Variants in LINGO1 observed in about 807,000 individuals in gnomAD.
LINGO1 encodes leucine rich repeat and Ig domain containing 1.
In LINGO1, 11 loss-of-function variants were observed where a neutral mutation model predicts 37.3. The ratio of observed to expected loss-of-function variants is 0.29; its 90% confidence interval spans 0.19 to 0.49. The LOEUF (loss-of-function observed/expected upper bound fraction) is 0.49, where lower values mean the gene tolerates loss of function less well. Among genes scored for constraint, LINGO1 ranks in the 20% least tolerant of loss-of-function variants. The pLI, the probability that LINGO1 is intolerant of heterozygous loss-of-function variation, is 0.99. For synonymous variants in LINGO1, 387 were observed against 403.0 expected (o/e 0.96, Z 0.48); for missense variants, 585 against 878.2 (o/e 0.67, Z 4.22).
chr15:77,758,051 C>T (rs1303157231), intron 1 of LINGO1, among the ~76,000 whole-genome samples: 1 of 152,216 alleles, frequency 6.6e-6, no homozygotes, highest in Non-Finnish European at 1.5e-5. Context: ...CAAAGTGAGG[C>T]TAATTTAAAC....
At chr15:77,642,974 G>A (rs1046633447) in intron 3 of LINGO1, among the ~76,000 whole-genome samples, 3 of 152,202 alleles carry the variant, frequency 2.0e-5, no homozygotes, top group African/African-American at 7.2e-5. Flanking sequence ...AGCTTGTGGA[G>A]CCTGGGCTTG....
At chr15:77,670,525 C>G (rs2075229857) in intron 3 of LINGO1, among the ~76,000 whole-genome samples, 1 of 152,178 alleles carries the variant, frequency 6.6e-6, no homozygotes, top group African/African-American at 2.4e-5. Context: ...CCGTGGTCCC[C>G]AGAGCTGGCA....
At position 77,765,713 on chromosome 15, in the gene LINGO1, AAGG is replaced by A. The variant is rs555111104; in HGVS notation, c.-257+21153_-257+21155del. 3.3e-5 allele frequency among the ~76,000 whole-genome samples: 5 copies of A among 152,180 alleles called. No homozygotes were observed. The South Asian group carries it at 1.0e-3, about 32-fold the overall frequency. Reference sequence around the variant, plus strand: ...GAGTGGGGACCCATACTGAAAACTGAAGGAGTAGTTGAGTTTGTACGCTGAATT... The same window carrying A: ...GAGTGGGGACCCATACTGAAAACTGAAGTAGTTGAGTTTGTACGCTGAATT... On this transcript the variant is annotated intron_variant, in intron 1 of 3. Transcript: ENST00000561686.
chr15:77,780,216 C>A (rs907403711), intron 1 of LINGO1, among the ~76,000 whole-genome samples: 3 of 152,104 alleles, frequency 2.0e-5, no homozygotes, highest in Admixed American at 2.0e-4. Flanking sequence ...GTGGGCTGGG[C>A]AGGAAGTACT....
intron 1 of LINGO1, among the ~76,000 whole-genome samples, chr15:77,777,875 A>T (rs2076677217): frequency 7.1e-6 from 1 of 141,118 alleles, no homozygotes; most frequent in African/African-American, 2.6e-5. Context: ...ATGAGCCATG[A>T]TTGTGCCACT....
intron 1 of LINGO1, among the ~76,000 whole-genome samples, chr15:77,750,066 T>A (rs1020322805): frequency 3.3e-5 from 5 of 151,840 alleles, no homozygotes; most frequent in African/African-American, 1.2e-4. Flanking sequence ...TCTCCATGAC[T>A]CCCCCTCACC....
intron 1 of LINGO1, among the ~76,000 whole-genome samples, chr15:77,762,009 G>T (rs1452908886): frequency 6.6e-6 from 1 of 152,194 alleles, no homozygotes; most frequent in Admixed American, 6.5e-5. Flanking sequence ...TCTCTAAAAT[G>T]GGGCTTTATG....
intron 2 of LINGO1, among the ~76,000 whole-genome samples, chr15:77,723,810 G>A (rs1596157697): frequency 1.3e-5 from 2 of 152,310 alleles, no homozygotes; most frequent in East Asian, 3.9e-4. Context: ...GGCATCAGGG[G>A]AAAGTGGCAC....
intron 1 of LINGO1, among the ~76,000 whole-genome samples, chr15:77,620,247 C>T (rs1333775607): frequency 6.6e-6 from 1 of 152,180 alleles, no homozygotes; most frequent in Non-Finnish European, 1.5e-5. Flanking sequence ...AAAATTGAAC[C>T]AATAAATACT....
chr15:77,820,605 C>T (rs2077089017), upstream of LINGO1, among the ~76,000 whole-genome samples: 1 of 152,232 alleles, frequency 6.6e-6, no homozygotes. Flanking sequence ...GCTGGCGTCC[C>T]GCTCCTGCTG....
chr15:77,777,695 G>A (rs1007144504), intron 1 of LINGO1, among the ~76,000 whole-genome samples: 7 of 152,278 alleles, frequency 4.6e-5, no homozygotes, highest in African/African-American at 1.7e-4. Context: ...GGGAGCCCGC[G>A]GCAGGAGGAT....
chr15:77,738,521 G>T (rs1202407337), intron 1 of LINGO1, among the ~76,000 whole-genome samples: 1 of 152,118 alleles, frequency 6.6e-6, no homozygotes, highest in Admixed American at 6.6e-5. Context: ...AGGCACCCTA[G>T]GTAAAATGCC....
chr15:77,723,896 C>T (rs752886561), intron 2 of LINGO1, among the ~76,000 whole-genome samples: 5 of 152,126 alleles, frequency 3.3e-5, no homozygotes, highest in Non-Finnish European at 5.9e-5. Context: ...GGGCGGGAGG[C>T]GAGAGAAAGA....
chr15:77,779,568 C>G (rs1008872210), intron 1 of LINGO1, among the ~76,000 whole-genome samples: 1 of 152,002 alleles, frequency 6.6e-6, no homozygotes, highest in Non-Finnish European at 1.5e-5. Flanking sequence ...AGAGTGCTAC[C>G]TAGATCCCTC....
chr15:77,756,233 C>T (rs2076417395), intron 1 of LINGO1, among the ~76,000 whole-genome samples: 1 of 152,218 alleles, frequency 6.6e-6, no homozygotes, highest in South Asian at 2.1e-4. Context: ...ATCGCAGCAA[C>T]TGACCCATCA....
intron 1 of LINGO1, among the ~76,000 whole-genome samples, chr15:77,811,556 G>A (rs1183097734): frequency 6.6e-6 from 1 of 152,120 alleles, no homozygotes; most frequent in Non-Finnish European, 1.5e-5. Context: ...GCGGCTTGCT[G>A]GGCAGGGGTG....
intron 1 of LINGO1, among the ~76,000 whole-genome samples, chr15:77,774,127 A>G (rs1170861549): frequency 1.3e-5 from 2 of 152,112 alleles, no homozygotes; most frequent in East Asian, 3.9e-4. Flanking sequence ...AGAATAGGTG[A>G]GCGAGGCTGG....
upstream of LINGO1, among the ~76,000 whole-genome samples, chr15:77,634,741 C>T (rs1405741925): frequency 6.6e-6 from 1 of 152,096 alleles, no homozygotes; most frequent in African/African-American, 2.4e-5. Context: ...GCTGCCTGGA[C>T]CCCTCCCCAG....
intron 1 of LINGO1, among the ~76,000 whole-genome samples, chr15:77,812,228 G>A (rs143330778): frequency 6.8e-4 from 103 of 152,346 alleles, no homozygotes; most frequent in Admixed American, 1.5e-3. Context: ...GGCTCCCCAT[G>A]CCCTCTGCAG....
Sources: allele counts gnomAD v4.1 joint callset (sites outside exome capture counted in the v4.1 genomes callset), GRCh38; gene constraint gnomAD v4.1.1; transcripts MANE v1.5; gene names NCBI Gene and HGNC (gene_info 2026-07-23, HGNC 2026-07-21).